ERC1: variants seen among roughly 807,000 people sequenced by gnomAD.
ERC1 encodes ELKS/RAB6-interacting/CAST family member 1, also known as RAB6 interacting protein 2.
In ERC1, 56 loss-of-function variants were observed where a neutral mutation model predicts 132.0. The observed-to-expected ratio is 0.42, with a 90% CI of 0.34 to 0.53. ERC1 has a LOEUF of 0.53. Among genes scored for constraint, ERC1 ranks in the 20% least tolerant of loss-of-function variants. The pLI, the probability that ERC1 is intolerant of heterozygous loss-of-function variation, is 0.03. For synonymous variants in ERC1, 478 were observed against 476.1 expected (o/e 1.00, Z -0.05); for missense variants, 1,202 against 1,349.9 (o/e 0.89, Z 1.72).
intron 18 of ERC1, among the ~76,000 whole-genome samples, chr12:1,459,678 C>T (rs2093608704): frequency 6.6e-6 from 1 of 152,188 alleles, no homozygotes; most frequent in South Asian, 2.1e-4. Context: ...TTTGCATAGA[C>T]TGAAAGTATC....
At chr12:1,365,122 A>T (rs1452486519) in intron 15 of ERC1, among the ~76,000 whole-genome samples, 3 of 152,144 alleles carry the variant, frequency 2.0e-5, no homozygotes, top group Non-Finnish European at 4.4e-5. Context: ...TCTTCCTTTG[A>T]TACCTTCTAC....
chr12:1,359,895 A>G (rs79177473), intron 15 of ERC1, among the ~76,000 whole-genome samples: 3,012 of 152,346 alleles, frequency 0.02, 49 homozygotes, highest in Middle Eastern at 0.075. Context: ...TGGAGAATAT[A>G]TAGATACATT....
intron 16 of ERC1, among the ~76,000 whole-genome samples, chr12:1,374,068 C>G (rs964827211): frequency 6.6e-6 from 1 of 152,198 alleles, no homozygotes; most frequent in Non-Finnish European, 1.5e-5. Flanking sequence ...TTCTTTAATT[C>G]CTCCAAGAGT....
At chr12:1,367,534 T>A (rs781223395) in intron 15 of ERC1, among the ~76,000 whole-genome samples, 1 of 152,218 alleles carries the variant, frequency 6.6e-6, no homozygotes, top group Non-Finnish European at 1.5e-5. Context: ...ATCACAACGC[T>A]AATTACGGTC....
chr12:1,102,453 T>A (rs184636775), intron 3 of ERC1, among the ~76,000 whole-genome samples: 2 of 152,336 alleles, frequency 1.3e-5, no homozygotes, highest in East Asian at 3.9e-4. Context: ...ATGGGGTAAG[T>A]GCTCATGGAG....
At chr12:1,428,609 C>T (rs1420798915) in intron 17 of ERC1, among the ~76,000 whole-genome samples, 1 of 152,120 alleles carries the variant, frequency 6.6e-6, no homozygotes, top group African/African-American at 2.4e-5. Context: ...TCCATCACAT[C>T]TTGATTTCAT....
intron 18 of ERC1, among the ~76,000 whole-genome samples, chr12:1,487,949 T>C (rs530132879): frequency 6.6e-6 from 1 of 151,300 alleles, no homozygotes; most frequent in Non-Finnish European, 1.5e-5. Flanking sequence ...CCATTCTGGC[T>C]AACACGGTGA....
intron 15 of ERC1, among the ~76,000 whole-genome samples, chr12:1,309,476 GA>G (rs2081126888): frequency 6.6e-6 from 1 of 152,144 alleles, no homozygotes; most frequent in Non-Finnish European, 1.5e-5. Context: ...GACTATAGGG[GA>G]AGTGAGTAAA....
intron 2 of ERC1, among the ~76,000 whole-genome samples, chr12:1,051,469 C>T (rs1197487129): frequency 2.0e-5 from 3 of 147,692 alleles, no homozygotes; most frequent in Admixed American, 6.9e-5. Context: ...GCAGGAGGAT[C>T]ACTTGAGGCG....
intron 18 of ERC1, among the ~76,000 whole-genome samples, chr12:1,481,543 C>T (rs1382901002): frequency 1.3e-5 from 2 of 152,184 alleles, no homozygotes; most frequent in African/African-American, 4.8e-5. Context: ...GAAATCTGTC[C>T]CTGCTCAGCT....
chr12:1,274,384 T>TA (rs1302485787), intron 14 of ERC1, among the ~76,000 whole-genome samples: 1 of 152,102 alleles, frequency 6.6e-6, no homozygotes, highest in African/African-American at 2.4e-5. Flanking sequence ...TCCATGCAAA[T>TA]AAAAAAAGTA....
intron 16 of ERC1, among the ~76,000 whole-genome samples, chr12:1,387,684 G>C (rs1467510722): frequency 6.6e-6 from 1 of 152,188 alleles, no homozygotes; most frequent in African/African-American, 2.4e-5. Flanking sequence ...GAAGCCAAAA[G>C]AGGCAAGGAA....
chr12:1,044,517 A>C (rs1483332972), intron 2 of ERC1, among the ~76,000 whole-genome samples: 1 of 152,196 alleles, frequency 6.6e-6, no homozygotes, highest in African/African-American at 2.4e-5. Context: ...TAATACTTGT[A>C]TTGTTGTTGG....
intron 13 of ERC1, among the ~76,000 whole-genome samples, chr12:1,238,160 CCTT>C (rs1416373616): frequency 2.5e-5 from 3 of 119,644 alleles, no homozygotes; most frequent in Admixed American, 1.5e-4. Flanking sequence ...TGTTCTTCCT[CCTT>C]TTTTTTTTTT....
intron 12 of ERC1, among the ~76,000 whole-genome samples, chr12:1,207,727 T>A (rs1025790129): frequency 6.6e-6 from 1 of 152,226 alleles, no homozygotes. Context: ...AATGTTTTTT[T>A]AGATAGCAAT....
chr12:1,267,588 G>A (rs1290443300), intron 14 of ERC1, among the ~76,000 whole-genome samples: 5 of 152,068 alleles, frequency 3.3e-5, no homozygotes, highest in Admixed American at 6.6e-5. Flanking sequence ...GCGAGGCCTC[G>A]TCTCTACAAG....
At chr12:1,011,755 T>A (rs1964715561) in intron 1 of ERC1, among the ~76,000 whole-genome samples, 1 of 152,152 alleles carries the variant, frequency 6.6e-6, no homozygotes. Context: ...CTGGTTAGCC[T>A]AGCTAACATG....
At chr12:1,268,062 T>C (rs960206360) in intron 14 of ERC1, among the ~76,000 whole-genome samples, 3 of 152,216 alleles carry the variant, frequency 2.0e-5, no homozygotes, top group Non-Finnish European at 4.4e-5. Context: ...GCAACAGTTA[T>C]CACCAGAATA....
At chr12:1,331,888 A>G (rs1323057395) in intron 15 of ERC1, among the ~76,000 whole-genome samples, 8 of 152,152 alleles carry the variant, frequency 5.3e-5, no homozygotes, top group African/African-American at 1.7e-4. Context: ...AGTCATTGCT[A>G]TGTATTTTAT....
Sources: allele counts gnomAD v4.1 joint callset (sites outside exome capture counted in the v4.1 genomes callset), GRCh38; gene constraint gnomAD v4.1.1; transcripts MANE v1.5; gene names NCBI Gene and HGNC (gene_info 2026-07-23, HGNC 2026-07-21).